The following ZNF704 variants were observed in gnomAD, a reference collection of about 807,000 sequenced individuals.
The protein encoded by ZNF704 is zinc finger protein 704, also known as glucocorticoid induced gene 1.
Under a neutral mutation model 44.7 loss-of-function variants are expected in ZNF704, and 10 were observed. That is an observed-to-expected ratio of 0.22 (90% confidence interval 0.14 to 0.38). The LOEUF is 0.38. ZNF704 is among the 10% of genes least tolerant of loss of function. The pLI, the probability that ZNF704 is intolerant of heterozygous loss-of-function variation, is 1.00. For missense variants in ZNF704, 390 were observed against 545.5 expected (o/e 0.71, Z 2.84); for synonymous variants, 211 against 207.6 (o/e 1.02, Z -0.14).
At chr8:80,650,624 T>C (rs1477406371) in intron 7 of ZNF704, among the ~76,000 whole-genome samples, 1 of 152,036 alleles carries the variant, frequency 6.6e-6, no homozygotes, top group African/African-American at 2.4e-5. Flanking sequence ...CAAAAAAGAA[T>C]AAAAAGAAAT....
intron 2 of ZNF704, among the ~76,000 whole-genome samples, chr8:80,751,248 T>C (rs1242926066): frequency 6.6e-6 from 1 of 152,040 alleles, no homozygotes; most frequent in Non-Finnish European, 1.5e-5. Flanking sequence ...AAAGAATGAC[T>C]CCCTGGGCCA....
intron 6 of ZNF704, 55 bp downstream of exon 6, chr8:80,664,760 C>T (rs1818162319): frequency 6.2e-7 from 1 of 1,603,874 alleles, no homozygotes; most frequent in African/African-American, 1.3e-5. Flanking sequence ...GGCCAGATGG[C>T]CCCTGGTTTT....
In ZNF704 at chr8:80,665,030, C is replaced by T; in HGVS notation, c.712G>A (p.Glu238Lys). 1 of 1,614,236 alleles carries T rather than the reference C, an allele frequency of 6.2e-7. No individual in the cohort carries two copies. Among genetic ancestry groups the T allele is most frequent in the Non-Finnish European group, 8.5e-7 (1 of 1,180,042 alleles). Residue 238 changes from glutamate (E) to lysine (K), a missense_variant, in exon 6 of 9, where the codon GAG becomes AAG. Glu to Lys is a moderately conservative substitution (Grantham distance 56). Coordinates refer to ENST00000327835, the MANE Select transcript of ZNF704 (RefSeq NM_001033723.3). ...ACTGAGTCTGTGTTGAGCTTGATCT[C>T]AGTGTAGTAAAAGTCCTCTTCTCCA... ...SDGEEDFYYT[E>K]IKLNTDSVAD...
chr8:80,866,898 C>A (rs1422292669), intron 1 of ZNF704, among the ~76,000 whole-genome samples: 2 of 152,122 alleles, frequency 1.3e-5, no homozygotes, highest in Non-Finnish European at 2.9e-5. Context: ...GTGCACCAGG[C>A]CTGGCTTGGC....
At chr8:80,789,634 C>G (rs1308027830) in intron 2 of ZNF704, among the ~76,000 whole-genome samples, 1 of 152,030 alleles carries the variant, frequency 6.6e-6, no homozygotes, top group Admixed American at 6.6e-5. Flanking sequence ...CCCAGTTACT[C>G]AGAAGGCTTA....
intron 7 of ZNF704, among the ~76,000 whole-genome samples, chr8:80,659,174 T>C (rs774018533): frequency 2.7e-4 from 41 of 152,326 alleles, no homozygotes; most frequent in Non-Finnish European, 3.1e-4. Context: ...GATGTATTTT[T>C]TGAGCCTTCA....
chr8:80,673,171 T>C (rs1818309455), intron 4 of ZNF704: 1 of 152,142 alleles, frequency 6.6e-6, no homozygotes, highest in South Asian at 2.1e-4. Context: ...TTACAGGAAA[T>C]GTTAAATTAT....
chr8:80,820,237 G>A (rs1171304527), intron 2 of ZNF704, among the ~76,000 whole-genome samples: 1 of 152,158 alleles, frequency 6.6e-6, no homozygotes, highest in Admixed American at 6.5e-5. Flanking sequence ...AATCCCTGCT[G>A]ACGTGGAGCT....
intron 2 of ZNF704, among the ~76,000 whole-genome samples, chr8:80,722,900 C>CA (rs1383114256): frequency 1.3e-5 from 2 of 152,202 alleles, no homozygotes; most frequent in Admixed American, 1.3e-4. Context: ...GGGTGGCAAT[C>CA]AAGGTGTCAA....
At position 80,641,136 on chromosome 8, in the gene ZNF704, G is replaced by C. The variant is rs564533013; in HGVS notation, c.*230C>G. ...TTTTCTTTTGAAGGAAAAAAAACTA[G>C]TTATAGCTGCTCCAAGCTGGGTTCT... On this transcript the variant is annotated 3_prime_UTR_variant, in exon 9 of 9. Coordinates refer to ENST00000327835, the MANE Select transcript of ZNF704 (RefSeq NM_001033723.3). The C allele has an allele frequency of 2.9e-6, 1 of 350,292 alleles. No individual in the cohort carries two copies. Among genetic ancestry groups the C allele is most frequent in the African/African-American group, 2.1e-5 (1 of 48,128 alleles). 21.7% of individuals were successfully genotyped at this position (350,292 alleles called of 1,614,324 possible). A position where few individuals can be genotyped will look rare whatever the true frequency, so the allele number is the denominator to read the frequency against.
chr8:80,823,573 T>C (rs951975286), intron 1 of ZNF704, among the ~76,000 whole-genome samples: 1 of 152,226 alleles, frequency 6.6e-6, no homozygotes, highest in Non-Finnish European at 1.5e-5. Flanking sequence ...AAGAGAGTAG[T>C]GGTGCTCCCA....
rs932966513 is a variant in ZNF704, at chr8:80,635,608, A to T, written c.*5758T>A. The T allele has an allele frequency of 6.6e-6, 1 of 152,240 alleles. No homozygotes were observed. 9.4% of individuals were successfully genotyped at this position (152,240 alleles called of 1,614,324 possible). On this transcript the variant is annotated 3_prime_UTR_variant, in exon 9 of 9. Coordinates refer to ENST00000327835, the MANE Select transcript of ZNF704 (RefSeq NM_001033723.3). ...AAATGCAAGTATCTGTGATTCTGGT[A>T]GGTCAAGTGGTAAACTTGTCTTTGT... is the stretch of plus-strand genomic sequence containing the variant.
At chr8:80,770,062 G>T (rs1157893589) in intron 2 of ZNF704, among the ~76,000 whole-genome samples, 1 of 152,138 alleles carries the variant, frequency 6.6e-6, no homozygotes, top group African/African-American at 2.4e-5. Context: ...ATCAGATCTT[G>T]TGAGATGTAT....
intron 2 of ZNF704, among the ~76,000 whole-genome samples, chr8:80,794,062 G>A (rs752121987): frequency 9.2e-5 from 14 of 151,942 alleles, no homozygotes; most frequent in African/African-American, 2.9e-4. Context: ...ATTTATACTT[G>A]TTATAAATAA....
In ZNF704 at chr8:80,664,721, T is replaced by G. The variant is rs1319668399; in HGVS notation, c.927+94A>C. ...TACCGGGCTGCCGTGTGTGATGCTGTTTTTCCACTGAGTTGTCTTTTACTC... is the reference window on the plus strand; with the variant it reads ...TACCGGGCTGCCGTGTGTGATGCTGGTTTTCCACTGAGTTGTCTTTTACTC... On this transcript the variant is annotated intron_variant, in intron 6 of 8. Transcript: ENST00000327835. 5 of 1,502,926 alleles carry G rather than the reference T, an allele frequency of 3.3e-6. No homozygotes were observed. In the East Asian group the frequency reaches 9.1e-5, roughly 27 times the overall value. 93.1% of individuals were successfully genotyped at this position (1,502,926 alleles called of 1,614,324 possible).
At chr8:80,764,113 C>T (rs1196585635) in intron 2 of ZNF704, among the ~76,000 whole-genome samples, 1 of 152,182 alleles carries the variant, frequency 6.6e-6, no homozygotes, top group Admixed American at 6.5e-5. Flanking sequence ...CCAACCTCTG[C>T]CTGTTACCCA....
chr8:80,679,886 C>T (rs2131624233), intron 4 of ZNF704, among the ~76,000 whole-genome samples: 1 of 152,322 alleles, frequency 6.6e-6, no homozygotes, highest in South Asian at 2.1e-4. Context: ...AATTTCTCAA[C>T]ATTGATGCTG....
At chr8:80,793,766 C>A (rs554785127) in intron 2 of ZNF704, among the ~76,000 whole-genome samples, 1 of 152,004 alleles carries the variant, frequency 6.6e-6, no homozygotes, top group East Asian at 1.9e-4. Flanking sequence ...TTGAATGCTA[C>A]AATAAATTAA....
chr8:80,761,355 T>C (rs1306947118), intron 2 of ZNF704, among the ~76,000 whole-genome samples: 1 of 152,212 alleles, frequency 6.6e-6, no homozygotes, highest in Non-Finnish European at 1.5e-5. Flanking sequence ...GTAAATTTCT[T>C]TGTGTCACAG....
Sources: gnomAD v4.1 joint callset for allele counts (sites outside exome capture counted in the v4.1 genomes callset) on GRCh38, gnomAD v4.1.1 for gene constraint, MANE v1.5 for transcripts, NCBI Gene and HGNC (gene_info 2026-07-23, HGNC 2026-07-21) for gene names.